STK4: variants seen among roughly 807,000 people sequenced by gnomAD.
STK4 encodes serine/threonine-protein kinase 4.
A neutral mutation model predicts 64.9 loss-of-function variants in STK4; 30 were observed. The ratio of observed to expected loss-of-function variants is 0.46; its 90% CI spans 0.35 to 0.63. The LOEUF is 0.63. STK4 is among the 20% of genes least tolerant of loss of function. The pLI is 0.01. For missense variants in STK4, 466 were observed against 598.5 expected (o/e 0.78, Z 2.31); for synonymous variants, 177 against 199.0 (o/e 0.89, Z 0.93).
rs959351024 is a variant in STK4 at position 44,987,236 on chromosome 20, T to A, written c.465T>A (p.Ile155=). The A allele has an allele frequency of 1.5e-5, 25 of 1,612,938 alleles. No homozygotes were observed. Among genetic ancestry groups the A allele is most frequent in the Non-Finnish European group, 2.1e-5 (25 of 1,179,652 alleles). ...KIHRDIKAGN[I]LLNTEGHAKL... is the part of the protein sequence containing the mutation. ...ACCGAGATATCAAGGCAGGAAATAT[T>A]TTGCTAAATACAGAAGGACATGCAA... The change falls in exon 5 of 11, where the codon ATT becomes ATA. Residue 155 remains isoleucine, a synonymous_variant. Coordinates refer to ENST00000372806, the MANE Select transcript of STK4 (RefSeq NM_006282.5).
At chr20:45,007,832 AC>A in intron 9 of STK4, 1 of 416,744 alleles carries the variant, frequency 2.4e-6, no homozygotes, top group Non-Finnish European at 4.8e-6. Flanking sequence ...AATATATTAT[AC>A]CCAGGTAATG....
chr20:45,040,824 A>T (rs567010666), intron 10 of STK4, among the ~76,000 whole-genome samples: 1 of 151,524 alleles, frequency 6.6e-6, no homozygotes, highest in Admixed American at 6.6e-5. Context: ...ATTGAATACT[A>T]CTAGTTTTTT....
At chr20:45,011,828 AGGAATTTGTT>A (rs2068056732) in intron 9 of STK4, among the ~76,000 whole-genome samples, 1 of 149,376 alleles carries the variant, frequency 6.7e-6, no homozygotes, top group Non-Finnish European at 1.5e-5. Flanking sequence ...GATATAGATC[AGGAATTTGTT>A]TTTGTTTACA....
intron 9 of STK4, among the ~76,000 whole-genome samples, chr20:45,006,440 C>G (rs181598074): frequency 6.6e-6 from 1 of 151,684 alleles, no homozygotes; most frequent in African/African-American, 2.4e-5. Flanking sequence ...TTGAACATTT[C>G]AATTTCCCTT....
intron 6 of STK4, among the ~76,000 whole-genome samples, chr20:44,996,957 C>T (rs1043214821): frequency 5.3e-5 from 8 of 151,794 alleles, no homozygotes; most frequent in African/African-American, 1.9e-4. Flanking sequence ...GGGAACAAGA[C>T]CCATATATGA....
chr20:45,018,486 C>T (rs1252994242), intron 9 of STK4, among the ~76,000 whole-genome samples: 1 of 152,002 alleles, frequency 6.6e-6, no homozygotes, highest in Non-Finnish European at 1.5e-5. Flanking sequence ...CAAGGTCCTT[C>T]CCAGTTATGA....
intron 4 of STK4, among the ~76,000 whole-genome samples, chr20:44,983,495 A>G (rs977825490): frequency 1.3e-5 from 2 of 152,150 alleles, no homozygotes; most frequent in Non-Finnish European, 2.9e-5. Context: ...CTGTAGTCCC[A>G]GCTAACTTTT....
intron 10 of STK4, among the ~76,000 whole-genome samples, chr20:45,059,196 G>A (rs1978771185): frequency 6.6e-6 from 1 of 152,174 alleles, no homozygotes; most frequent in African/African-American, 2.4e-5. Flanking sequence ...TTTGCTCCTT[G>A]AGGTATGACA....
chr20:45,054,129 C>T (rs566455253), intron 10 of STK4, among the ~76,000 whole-genome samples: 79 of 152,170 alleles, frequency 5.2e-4, no homozygotes, highest in African/African-American at 1.5e-3. Context: ...GTGACTAAAT[C>T]GTGGGTTCTC....
intron 2 of STK4, among the ~76,000 whole-genome samples, chr20:44,976,581 A>G (rs1387690314): frequency 6.6e-6 from 1 of 152,250 alleles, no homozygotes; most frequent in Non-Finnish European, 1.5e-5. Flanking sequence ...CTGCAACAAC[A>G]GTGCTGAGGG....
chr20:44,966,944 C>G (rs1253153985), intron 1 of STK4, among the ~76,000 whole-genome samples: 1 of 152,058 alleles, frequency 6.6e-6, no homozygotes, highest in African/African-American at 2.4e-5. Context: ...AATGCTGAAG[C>G]AGGGTGAGAA....
chr20:44,978,580 A>G lies in STK4; in HGVS notation c.245+9A>G. ...ATGCAGCAATGTGACAGGTAAAGGC[A>G]TGTGGGCTTCCTTTGGGGAGAATGT... On this transcript the variant is annotated intron_variant, in intron 3 of 10. Transcript: ENST00000372806. The G allele has an allele frequency of 6.2e-7, 1 of 1,613,448 alleles. No individual in the cohort carries two copies. The highest frequency in any genetic ancestry group is 8.5e-7 in the Non-Finnish European group (1 of 1,179,722).
chr20:45,012,988 G>A (rs1283542703), intron 9 of STK4, among the ~76,000 whole-genome samples: 3 of 124,112 alleles, frequency 2.4e-5, no homozygotes, highest in Non-Finnish European at 3.2e-5. Flanking sequence ...TTATAGAGAT[G>A]GGATCTCCCT....
intron 10 of STK4, among the ~76,000 whole-genome samples, chr20:45,049,569 A>G (rs1042395439): frequency 1.3e-5 from 2 of 152,146 alleles, no homozygotes; most frequent in East Asian, 1.9e-4. Context: ...ACCATATACA[A>G]TCTGTCACAT....
At chr20:44,976,369 T>C (rs1023784361) in intron 2 of STK4, among the ~76,000 whole-genome samples, 5 of 152,330 alleles carry the variant, frequency 3.3e-5, no homozygotes, top group Admixed American at 2.0e-4. Context: ...ATAATAATCC[T>C]GAGAGTTTTT....
At chr20:45,071,631 T>C (rs926119527) in intron 10 of STK4, among the ~76,000 whole-genome samples, 1 of 152,172 alleles carries the variant, frequency 6.6e-6, no homozygotes, top group African/African-American at 2.4e-5. Context: ...CAGGAGAAGC[T>C]TTAGGCTAGA....
At position 45,038,691 on chromosome 20, in the gene STK4, G is replaced by A. The variant is rs189204071; in HGVS notation, c.1305+13561G>A. On this transcript the variant is annotated intron_variant, in intron 10 of 10. Transcript: ENST00000372806. The stretch of plus-strand genomic sequence containing the variant: ...ATCTAGAACAGAGGTCCTCAGGACC[G>A]CTTCATACTTATAAACATTATTGAG... 8.4e-4 allele frequency among the ~76,000 whole-genome samples: 128 copies of A among 151,920 alleles called. 1 individual carries two copies. The highest frequency in any genetic ancestry group is 4.1e-3 in the South Asian group (20 of 4,826).
chr20:45,054,578 C>CAA (rs1225643041), intron 10 of STK4, among the ~76,000 whole-genome samples: 26 of 64,658 alleles, frequency 4.0e-4, no homozygotes, highest in Non-Finnish European at 6.4e-4. Context: ...TTTTTTTTTT[C>CAA]AAAAAAAAAA....
At chr20:44,982,006 C>G in intron 4 of STK4, 63 bp downstream of exon 4, 2 of 1,159,154 alleles carry the variant, frequency 1.7e-6, no homozygotes. Flanking sequence ...TTTTCTCTGC[C>G]TCTTTTTCAG....
Sources: gnomAD v4.1 joint callset for allele counts (sites outside exome capture counted in the v4.1 genomes callset) on GRCh38, gnomAD v4.1.1 for gene constraint, MANE v1.5 for transcripts, NCBI Gene and HGNC (gene_info 2026-07-23, HGNC 2026-07-21) for gene names.